Variants in ANK2 observed in about 807,000 individuals in gnomAD.
ANK2 encodes the protein ankyrin 2, also known as ankyrin-2.
A neutral mutation model predicts 360.5 loss-of-function variants in ANK2; 83 were observed. That is an observed-to-expected ratio of 0.23 (90% confidence interval 0.19 to 0.28). The LOEUF is 0.28. Ranked by LOEUF, ANK2 falls within the 10% of genes least tolerant of loss-of-function variation. The pLI is 1.00. For synonymous variants in ANK2, 1,740 were observed against 1,759.5 expected, an observed-to-expected ratio of 0.99 and a Z score of 0.28; for missense variants, 4,201 against 4,795.7, an observed-to-expected ratio of 0.88 and a Z score of 3.66.
At chr4:112,750,996 G>A in the ANK2 span, among the ~76,000 whole-genome samples, 46 of 152,186 alleles carry the variant, frequency 3.0e-4, no homozygotes, top group Admixed American at 3.0e-3. Context: ...CAAAGTGCTA[G>A]GATTACAGGC....
At chr4:113,310,924 T>C (rs1367341877) in intron 23 of ANK2, among the ~76,000 whole-genome samples, 1 of 152,232 alleles carries the variant, frequency 6.6e-6, no homozygotes, top group Non-Finnish European at 1.5e-5. Context: ...AAGCAGACTA[T>C]GCCTGTGTTT....
chr4:113,316,404 C>G (rs1489082459), intron 24 of ANK2, among the ~76,000 whole-genome samples: 2 of 152,032 alleles, frequency 1.3e-5, no homozygotes, highest in Non-Finnish European at 2.9e-5. Flanking sequence ...TGATGATTTC[C>G]TCAAAGACAA....
chr4:113,361,374 G>T (rs964977750), intron 39 of ANK2, among the ~76,000 whole-genome samples: 7 of 152,028 alleles, frequency 4.6e-5, no homozygotes, highest in Non-Finnish European at 8.8e-5. Context: ...TTTGAGAAAT[G>T]AGAGTGTTTA....
At chr4:112,851,576 C>T (rs1257620674) in intron 1 of ANK2, among the ~76,000 whole-genome samples, 1 of 152,170 alleles carries the variant, frequency 6.6e-6, no homozygotes, top group Non-Finnish European at 1.5e-5. Flanking sequence ...TTTGATTCAC[C>T]TTCCCTCATG....
At chr4:113,166,444 T>A (rs1396497898) in intron 1 of ANK2, among the ~76,000 whole-genome samples, 1 of 152,036 alleles carries the variant, frequency 6.6e-6, no homozygotes, top group Non-Finnish European at 1.5e-5. Context: ...TATGTATATA[T>A]GTATATATAT....
chr4:112,957,368 AT>A (rs1218327710), intron 2 of ANK2, among the ~76,000 whole-genome samples: 3 of 152,108 alleles, frequency 2.0e-5, no homozygotes, highest in Non-Finnish European at 2.9e-5. Flanking sequence ...AGGCAGAAGA[AT>A]TTTTCTTAGT....
intron 2 of ANK2, among the ~76,000 whole-genome samples, chr4:112,981,520 T>A (rs1399759002): frequency 6.6e-6 from 1 of 152,180 alleles, no homozygotes; most frequent in Non-Finnish European, 1.5e-5. Context: ...AGTAACTTCA[T>A]GGATGAGAAA....
chr4:113,003,747 AAC>A (rs935368446), intron 2 of ANK2, among the ~76,000 whole-genome samples: 2 of 152,230 alleles, frequency 1.3e-5, no homozygotes, highest in African/African-American at 2.4e-5. Context: ...GCATAAAAGA[AAC>A]ACAGTCATGT....
At chr4:112,820,941 C>T (rs530182548) in intron 1 of ANK2, among the ~76,000 whole-genome samples, 1 of 152,098 alleles carries the variant, frequency 6.6e-6, no homozygotes, top group South Asian at 2.1e-4. Context: ...GACCGAGTTT[C>T]ACTCTTGTTG....
chr4:113,152,163 G>T (rs1472923550), intron 1 of ANK2: 16 of 150,902 alleles, frequency 1.1e-4, no homozygotes, highest in African/African-American at 3.4e-4. Flanking sequence ...TTATAATGAG[G>T]TATATCCAAA....
At position 113,064,179 on chromosome 4, in the gene ANK2, AT is replaced by A. The variant is rs760970845; in HGVS notation, c.84+14372del. 1.0e-3 allele frequency among the ~76,000 whole-genome samples: 152 copies of A among 152,154 alleles called. 1 individual carries two copies. Among genetic ancestry groups the A allele is most frequent in the Middle Eastern group, 3.4e-3 (1 of 294 alleles). On this transcript the variant is annotated intron_variant, in intron 1 of 45. Transcript: ENST00000357077. ...GATTTCTAGCATTGATAGTAGAGAA[AT>A]TTTTCCTCATTAATTTTTCTTTTTA...
intron 1 of ANK2, among the ~76,000 whole-genome samples, chr4:113,158,843 A>G (rs2097399893): frequency 1.3e-5 from 2 of 152,186 alleles, no homozygotes; most frequent in African/African-American, 2.4e-5. Flanking sequence ...CTTTCTGGGT[A>G]CAGTTTACTG....
At chr4:113,053,555 A>G (rs571313290) in intron 1 of ANK2, among the ~76,000 whole-genome samples, 13 of 152,278 alleles carry the variant, frequency 8.5e-5, no homozygotes, top group Non-Finnish European at 1.3e-4. Flanking sequence ...TCCGTGTAAG[A>G]CAGCTTTGAG....
intron 4 of ANK2, among the ~76,000 whole-genome samples, chr4:113,208,254 G>A (rs1469600161): frequency 1.1e-4 from 16 of 151,902 alleles, no homozygotes; most frequent in Non-Finnish European, 2.2e-4. Flanking sequence ...TTTGGAGACC[G>A]TTGTCATGAT....
At chr4:112,862,806 C>T (rs1485342864) in intron 1 of ANK2, among the ~76,000 whole-genome samples, 2 of 151,716 alleles carry the variant, frequency 1.3e-5, no homozygotes, top group Non-Finnish European at 2.9e-5. Context: ...CCTGTATTCT[C>T]GGCTACTTGA....
intron 2 of ANK2, among the ~76,000 whole-genome samples, chr4:113,040,749 A>T (rs1554067281): frequency 3.9e-5 from 6 of 152,052 alleles, no homozygotes; most frequent in Non-Finnish European, 8.8e-5. Flanking sequence ...AAGATGACCA[A>T]GGTGTAAAGG....
intron 1 of ANK2, among the ~76,000 whole-genome samples, chr4:113,070,760 T>A (rs949340412): frequency 1.3e-5 from 2 of 152,146 alleles, no homozygotes; most frequent in African/African-American, 4.8e-5. Flanking sequence ...CTGATTTCAC[T>A]CGTGGCTGCC....
intron 1 of ANK2, among the ~76,000 whole-genome samples, chr4:113,112,068 G>A (rs1379146534): frequency 2.0e-5 from 3 of 152,072 alleles, no homozygotes; most frequent in Non-Finnish European, 4.4e-5. Flanking sequence ...CTAATAAGAT[G>A]GGGACAATAA....
At chr4:113,180,823 T>G (rs1467940714) in intron 2 of ANK2, among the ~76,000 whole-genome samples, 2 of 152,138 alleles carry the variant, frequency 1.3e-5, no homozygotes, top group African/African-American at 2.4e-5. Flanking sequence ...TATGCAAAAA[T>G]ATAACTATAT....
Sources: gnomAD v4.1 joint callset for allele counts (sites outside exome capture counted in the v4.1 genomes callset) on GRCh38, gnomAD v4.1.1 for gene constraint, MANE v1.5 for transcripts, NCBI Gene and HGNC (gene_info 2026-07-23, HGNC 2026-07-21) for gene names.